The following LTBP1 variants were observed in gnomAD, a reference collection of about 807,000 sequenced individuals.
LTBP1 encodes latent-transforming growth factor beta-binding protein 1.
LTBP1 carries 129 observed loss-of-function variants against 207.6 expected under a neutral mutation model. The observed-to-expected ratio is 0.62, with a 90% confidence interval of 0.54 to 0.72. The LOEUF is 0.72. LTBP1 is among the 30% of genes least tolerant of loss of function. The pLI is 0.00. For missense variants in LTBP1, 2,281 were observed against 2,217.2 expected, an observed-to-expected ratio of 1.03 and a Z score of -0.58; for synonymous variants, 963 against 833.7, an observed-to-expected ratio of 1.16 and a Z score of -2.67.
chr2:33,169,519 G>A (rs2085233998), intron 5 of LTBP1, among the ~76,000 whole-genome samples: 1 of 152,114 alleles, frequency 6.6e-6, no homozygotes, highest in Non-Finnish European at 1.5e-5. Flanking sequence ...AATTAAGCAA[G>A]AAAGAGAAGA....
In LTBP1 at chr2:32,947,232, C is replaced by T. The variant is rs1004123061; in HGVS notation, c.-93C>T. The T allele has an allele frequency of 3.6e-5, 36 of 1,009,714 alleles. No homozygotes were observed. In the African/African-American group the frequency reaches 5.4e-4, roughly 15 times the overall value. The allele number at this position is 1,009,714 out of a possible 1,614,324, so 62.5% of individuals were successfully genotyped here. ...CCTTTCCCGGGCTCTCGGCAGCTCT[C>T]GGGGGAGCCCGAACGCGCGGGGAAA... On this transcript the variant is annotated 5_prime_UTR_variant, in exon 1 of 34. Coordinates refer to ENST00000404816, the MANE Select transcript of LTBP1 (RefSeq NM_206943.4).
chr2:33,346,979 G>A (rs549741955), intron 25 of LTBP1, among the ~76,000 whole-genome samples: 59 of 152,002 alleles, frequency 3.9e-4, no homozygotes, highest in Admixed American at 3.3e-4. Flanking sequence ...TTAGCGGGGC[G>A]TGGTGGCAGG....
At chr2:33,009,358 C>G (rs1573063419) in intron 2 of LTBP1, among the ~76,000 whole-genome samples, 1 of 152,124 alleles carries the variant, frequency 6.6e-6, no homozygotes. Context: ...AGTCCTAACC[C>G]CCAGTACCTC....
intron 31 of LTBP1, among the ~76,000 whole-genome samples, chr2:33,376,400 A>G (rs183618409): frequency 1.4e-4 from 21 of 152,324 alleles, no homozygotes; most frequent in Admixed American, 8.5e-4. Context: ...AATTAACTTC[A>G]TTATTTCTGT....
intron 3 of LTBP1, among the ~76,000 whole-genome samples, chr2:33,031,795 ACAGT>A (rs1390350580): frequency 1.3e-5 from 2 of 152,208 alleles, no homozygotes; most frequent in Admixed American, 6.5e-5. Context: ...GAAAGCCTTG[ACAGT>A]CAGACAGAGG....
intron 31 of LTBP1, among the ~76,000 whole-genome samples, chr2:33,376,324 T>C (rs903716379): frequency 5.3e-5 from 8 of 152,222 alleles, no homozygotes; most frequent in Non-Finnish European, 1.0e-4. Context: ...CACTAACACA[T>C]GTACAATAAC....
Position 33,398,914 on chromosome 2 carries a change from T to C in LTBP1, c.*369T>C, listed in dbSNP as rs949174336. The C allele has an allele frequency of 2.6e-5, 4 of 156,030 alleles. No individual in the cohort carries two copies. The highest frequency in any genetic ancestry group is 9.6e-5 in the African/African-American group (4 of 41,630). 9.7% of individuals were successfully genotyped at this position (156,030 alleles called of 1,614,324 possible). The stretch of plus-strand genomic sequence containing the variant: ...GTGGAAATATTTTATATAATTTTCA[T>C]TTTTTGGTTGTGCAGTTCCTTGGCT... On this transcript the variant is annotated 3_prime_UTR_variant, in exon 34 of 34. Coordinates refer to ENST00000404816, the MANE Select transcript of LTBP1 (RefSeq NM_206943.4).
intron 2 of LTBP1, among the ~76,000 whole-genome samples, chr2:32,976,623 G>A (rs137905539): frequency 1.9e-4 from 29 of 152,238 alleles, no homozygotes; most frequent in African/African-American, 5.5e-4. Flanking sequence ...AGTTTGTTCC[G>A]GTGCCTTGGA....
chr2:33,004,786 A>AATATATATATATATATATATATATAT (rs34777461), intron 2 of LTBP1, among the ~76,000 whole-genome samples: 19 of 101,096 alleles, frequency 1.9e-4, no homozygotes, highest in East Asian at 9.3e-4. Flanking sequence ...AAAAAAAAGG[A>AATATATATATATATATATATATATAT]ATATATATAT....
chr2:33,017,115 G>T (rs775182799), intron 2 of LTBP1, among the ~76,000 whole-genome samples: 1 of 152,182 alleles, frequency 6.6e-6, no homozygotes, highest in East Asian at 1.9e-4. Flanking sequence ...TCACGTAAAT[G>T]CTATGAATTT....
chr2:33,209,269 A>G (rs2061027), intron 7 of LTBP1, among the ~76,000 whole-genome samples: 66,138 of 151,898 alleles, frequency 0.44, 14,973 homozygotes, highest in Non-Finnish European at 0.5. Context: ...AAGGACAGCT[A>G]TATTCTCTGG....
intron 7 of LTBP1, among the ~76,000 whole-genome samples, chr2:33,191,670 A>G (rs2087897131): frequency 6.6e-6 from 1 of 152,238 alleles, no homozygotes; most frequent in Non-Finnish European, 1.5e-5. Context: ...TTGGTTTGCA[A>G]ACGTAGCTAT....
chr2:33,128,751 T>G (rs774824479), intron 4 of LTBP1, among the ~76,000 whole-genome samples: 2 of 152,220 alleles, frequency 1.3e-5, no homozygotes, highest in Non-Finnish European at 2.9e-5. Context: ...GGCTGTGGAT[T>G]ACATTCTCAA....
intron 15 of LTBP1, among the ~76,000 whole-genome samples, chr2:33,264,459 G>A (rs1458964819): frequency 6.6e-6 from 1 of 152,064 alleles, no homozygotes; most frequent in Non-Finnish European, 1.5e-5. Context: ...GAGTGAAATA[G>A]CATAAAATGT....
intron 2 of LTBP1, among the ~76,000 whole-genome samples, chr2:32,991,218 A>G (rs1297397627): frequency 2.0e-5 from 3 of 152,252 alleles, no homozygotes; most frequent in Non-Finnish European, 4.4e-5. Context: ...GCCCGCATTA[A>G]TACCTGCAAC....
chr2:33,309,364 G>A (rs1316965782), intron 22 of LTBP1, 70 bp from the exon 23 acceptor site: 2 of 1,065,434 alleles, frequency 1.9e-6, no homozygotes, highest in African/African-American at 3.3e-5. Context: ...ACCTTTACAT[G>A]TAAGAGAAAT....
At chr2:33,354,728 A>ACACACACACACACACC (rs751452437) in intron 26 of LTBP1, among the ~76,000 whole-genome samples, 4 of 106,634 alleles carry the variant, frequency 3.8e-5, no homozygotes, top group African/African-American at 1.3e-4. Context: ...ACACACACAC[A>ACACACACACACACACC]CCATTGTATC....
chr2:33,315,049 C>A, intron 23 of LTBP1, 95 bp from the exon 24 acceptor site: 2 of 975,228 alleles, frequency 2.1e-6, no homozygotes. Flanking sequence ...AAATGTCCAG[C>A]CATGTCATAA....
rs78600459 is a variant in LTBP1, at chr2:33,148,181, G to A, written c.1201+13221G>A. 7.6e-3 allele frequency among the ~76,000 whole-genome samples: 1,153 copies of A among 152,310 alleles called. 16 individuals carry two copies. Among genetic ancestry groups the A allele is most frequent in the African/African-American group, 0.026 (1,097 of 41,566 alleles). ...AAGGTGGAAGGGGAGATATATTTGCGTAGGTCCATCCTTATTCTTGTTAAG... is the reference window on the plus strand; with the variant it reads ...AAGGTGGAAGGGGAGATATATTTGCATAGGTCCATCCTTATTCTTGTTAAG... On this transcript the variant is annotated intron_variant, in intron 5 of 33. Transcript: ENST00000404816.
Sources: allele counts gnomAD v4.1 joint callset (sites outside exome capture counted in the v4.1 genomes callset), GRCh38; gene constraint gnomAD v4.1.1; transcripts MANE v1.5; gene names NCBI Gene and HGNC (gene_info 2026-07-23, HGNC 2026-07-21).